Variants in ZNF697 observed in about 807,000 individuals in gnomAD.
ZNF697 encodes zinc finger protein 697.
A neutral mutation model predicts 32.4 loss-of-function variants in ZNF697; 23 were observed. That is an observed-to-expected ratio of 0.71 (90% CI 0.51 to 1.01). The LOEUF (loss-of-function observed/expected upper bound fraction) is 1.01, where lower values mean the gene tolerates loss of function less well. Among genes scored for constraint, ZNF697 ranks in the 50% least tolerant of loss-of-function variants. ZNF697 has a pLI of 0.00. For synonymous variants in ZNF697, 418 were observed against 337.2 expected (o/e 1.24, Z -2.62); for missense variants, 930 against 794.0 (o/e 1.17, Z -2.06).
rs1201792685 is a variant in ZNF697 at position 119,622,693 on chromosome 1, C to G, written c.*12G>C. On this transcript the variant is annotated 3_prime_UTR_variant, in exon 3 of 3. Transcript: ENST00000421812. ...AGGCTCCCCAGACGGCAGCCTCCCG[C>G]GGACCCAGCCCCTAACACAGGTGCA... The G allele has an allele frequency of 2.7e-6, 4 of 1,499,910 alleles. No individual in the cohort carries two copies. The highest frequency in any genetic ancestry group is 2.1e-5 in the Admixed American group (1 of 46,592). The allele number at this position is 1,499,910 out of a possible 1,614,324, so 92.9% of individuals were successfully genotyped here. A position where few individuals can be genotyped will look rare whatever the true frequency, so the allele number is the denominator to read the frequency against.
intron 1 of ZNF697, among the ~76,000 whole-genome samples, chr1:119,642,027 C>G (rs587636931): frequency 6.6e-6 from 1 of 152,128 alleles, no homozygotes; most frequent in Non-Finnish European, 1.5e-5. Flanking sequence ...GGCCAAAATC[C>G]AAAACACGAC....
At position 119,623,838 on chromosome 1, in the gene ZNF697, GGTGGT is replaced by G. The variant is rs1377131696; in HGVS notation, c.500_504del (p.His167ProfsTer11). The G allele has an allele frequency of 6.5e-7, 1 of 1,546,360 alleles. No individual in the cohort carries two copies. Among genetic ancestry groups the G allele is most frequent in the Non-Finnish European group, 8.7e-7 (1 of 1,143,868 alleles). On this transcript the variant is annotated frameshift_variant, in exon 3 of 3. Transcript: ENST00000421812. LOFTEE classifies it high-confidence loss of function. ...AGCTCCCCGAGGTCCACGGCCATGG[GGTGGT>G]GGAGCCGGTGGAAGCGGCGGTGGGC...
At chr1:119,638,765 C>A (rs1012605757) in intron 1 of ZNF697, among the ~76,000 whole-genome samples, 3 of 152,276 alleles carry the variant, frequency 2.0e-5, no homozygotes, top group Admixed American at 6.5e-5. Flanking sequence ...TCTCATGATG[C>A]CCCAAGCATT....
intron 1 of ZNF697, among the ~76,000 whole-genome samples, chr1:119,639,155 T>C (rs1357126893): frequency 1.3e-5 from 2 of 152,224 alleles, no homozygotes. Flanking sequence ...GTCTTTGTTC[T>C]TACTCAGAAG....
At chr1:119,631,244 G>A (rs1648756698) in intron 1 of ZNF697, among the ~76,000 whole-genome samples, 1 of 152,258 alleles carries the variant, frequency 6.6e-6, no homozygotes, top group Non-Finnish European at 1.5e-5. Context: ...GGCCCCTGGC[G>A]TGGATGGCAC....
chr1:119,624,812 C>T (rs1334785618), intron 2 of ZNF697, among the ~76,000 whole-genome samples: 1 of 152,060 alleles, frequency 6.6e-6, no homozygotes. Flanking sequence ...GGGCTGGTCT[C>T]GATCTCCTGA....
rs990752325 is a variant in ZNF697 at position 119,619,627 on chromosome 1, G to A, written c.*3078C>T. 1 of 152,592 alleles carries A rather than the reference G, an allele frequency of 6.6e-6. No individual in the cohort carries two copies. The highest frequency in any genetic ancestry group is 2.4e-5 in the African/African-American group (1 of 41,422). The allele number at this position is 152,592 out of a possible 1,614,324, so 9.5% of individuals were successfully genotyped here. A position where few individuals can be genotyped will look rare whatever the true frequency, so the allele number is the denominator to read the frequency against. On this transcript the variant is annotated 3_prime_UTR_variant, in exon 3 of 3. Transcript: ENST00000421812. ...AACAGCTGTAAAATAACATTACAGTGAAGAAAAATGTGCACAAACTTCAGA... is the reference window on the plus strand; with the variant it reads ...AACAGCTGTAAAATAACATTACAGTAAAGAAAAATGTGCACAAACTTCAGA...
At chr1:119,642,281 T>C (rs1055577270) in intron 1 of ZNF697, among the ~76,000 whole-genome samples, 8 of 152,202 alleles carry the variant, frequency 5.3e-5, no homozygotes, top group Admixed American at 5.2e-4. Flanking sequence ...TGCACTATAC[T>C]ATAATGGTAG....
At chr1:119,647,241 A>G (rs1649237667) in intron 1 of ZNF697, among the ~76,000 whole-genome samples, 2 of 151,824 alleles carry the variant, frequency 1.3e-5, no homozygotes, top group African/African-American at 4.8e-5. Flanking sequence ...CCTTTTACTC[A>G]CCCACTCCTC....
At chr1:119,638,606 G>T (rs912121196) in intron 1 of ZNF697, among the ~76,000 whole-genome samples, 1 of 152,090 alleles carries the variant, frequency 6.6e-6, no homozygotes, top group Non-Finnish European at 1.5e-5. Flanking sequence ...CCTAAAATAG[G>T]TCAGCCTTCA....
chr1:119,634,080 G>C (rs139018604), intron 1 of ZNF697, among the ~76,000 whole-genome samples: 1 of 152,358 alleles, frequency 6.6e-6, no homozygotes, highest in Non-Finnish European at 1.5e-5. Context: ...TTCTGGGAAA[G>C]TTGATGCTGG....
rs1648244552 is a variant in ZNF697, at chr1:119,619,541, C to T, written c.*3164G>A. ...GAAAATAAGGCAAATCTCACGTATA[C>T]AAGCACACTCACACGAAACCTGTTA... On this transcript the variant is annotated 3_prime_UTR_variant, in exon 3 of 3. Transcript: ENST00000421812. The T allele has an allele frequency of 6.6e-6, 1 of 152,592 alleles. No individual in the cohort carries two copies. Among genetic ancestry groups the T allele is most frequent in the African/African-American group, 2.4e-5 (1 of 41,446 alleles). The allele number at this position is 152,592 out of a possible 1,614,324, so 9.5% of individuals were successfully genotyped here.
At chr1:119,624,150 T>C in intron 2 of ZNF697, 34 bp from the exon 3 acceptor site, 1 of 1,519,774 alleles carries the variant, frequency 6.6e-7, no homozygotes, top group Non-Finnish European at 8.8e-7. Context: ...GGGGGATTAC[T>C]ATACTTGGCA....
intron 1 of ZNF697, among the ~76,000 whole-genome samples, chr1:119,646,123 G>A (rs1285155175): frequency 2.6e-5 from 4 of 152,020 alleles, no homozygotes; most frequent in Middle Eastern, 3.2e-3. Context: ...CAATCCAGCC[G>A]GTTCTTCTGT....
rs1380256538 is a variant in ZNF697 at position 119,648,211 on chromosome 1, T to TGGCTGGCTGGCC, written c.-559_-558insGGCCAGCCAGCC. ...CCCGCTGGCTGGCTGGTTGGCTGGC[T>TGGCTGGCTGGCC]GGCTGGCTGGCTGGCTGGCTGGCTC... On this transcript the variant is annotated 5_prime_UTR_variant, in exon 1 of 3. Transcript: ENST00000421812. Among the ~76,000 whole-genome samples the TGGCTGGCTGGCC allele has an allele frequency of 6.8e-6, 1 of 146,414 alleles. No homozygotes were observed. Among genetic ancestry groups the TGGCTGGCTGGCC allele is most frequent in the Non-Finnish European group, 1.5e-5 (1 of 67,628 alleles).
At chr1:119,630,017 G>A (rs1395950593) in intron 1 of ZNF697, among the ~76,000 whole-genome samples, 5 of 152,122 alleles carry the variant, frequency 3.3e-5, no homozygotes, top group South Asian at 4.1e-4. Context: ...AAACCCTAAC[G>A]TACACCATCT....
chr1:119,648,188 C>A lies in ZNF697; in HGVS notation c.-535G>T. 8.2e-6 allele frequency among the ~76,000 whole-genome samples: 1 copy of A among 122,368 alleles called. No homozygotes were observed. Among genetic ancestry groups the A allele is most frequent in the East Asian group, 2.3e-4 (1 of 4,420 alleles). The allele number at this position is 122,368 out of a possible 152,430, so 80.3% of individuals were successfully genotyped here. A position where few individuals can be genotyped will look rare whatever the true frequency, so the allele number is the denominator to read the frequency against. ...CGGCTGCAGCGGCCGCTGGGTGGCC[C>A]GCTGGCTGGCTGGTTGGCTGGCTGG... is the stretch of plus-strand genomic sequence containing the variant. On this transcript the variant is annotated 5_prime_UTR_variant, in exon 1 of 3. Coordinates refer to ENST00000421812, the MANE Select transcript of ZNF697 (RefSeq NM_001080470.2).
intron 1 of ZNF697, among the ~76,000 whole-genome samples, chr1:119,636,321 T>C (rs1381010358): frequency 6.6e-6 from 1 of 152,240 alleles, no homozygotes; most frequent in Non-Finnish European, 1.5e-5. Flanking sequence ...CCATAGCTTT[T>C]TCTTGGACTC....
At chr1:119,642,976 A>G (rs1276820853) in intron 1 of ZNF697, among the ~76,000 whole-genome samples, 2 of 152,242 alleles carry the variant, frequency 1.3e-5, no homozygotes, top group African/African-American at 2.4e-5. Context: ...AAGTCTTCCT[A>G]TAGTGCCCTG....
Sources: gnomAD v4.1 joint callset for allele counts (sites outside exome capture counted in the v4.1 genomes callset) on GRCh38, gnomAD v4.1.1 for gene constraint, MANE v1.5 for transcripts, NCBI Gene and HGNC (gene_info 2026-07-23, HGNC 2026-07-21) for gene names.